CMTM4: variants seen among roughly 807,000 people sequenced by gnomAD.
CMTM4 encodes CKLF like MARVEL transmembrane domain containing 4, also known as CKLF-like MARVEL transmembrane domain-containing protein 4.
Under a neutral mutation model 19.0 loss-of-function variants are expected in CMTM4, and 8 were observed. The ratio of observed to expected loss-of-function variants is 0.42; its 90% CI spans 0.25 to 0.76. The LOEUF (loss-of-function observed/expected upper bound fraction) is 0.76. CMTM4 is among the 30% of genes least tolerant of loss of function. The probability of loss-of-function intolerance (pLI) is 0.27; values close to 1 mark genes in which losing one functional copy is unlikely to be tolerated. For missense variants in CMTM4, 228 were observed against 290.2 expected, an observed-to-expected ratio of 0.79 and a Z score of 1.56; for synonymous variants, 106 against 121.1, an observed-to-expected ratio of 0.88 and a Z score of 0.82.
intron 2 of CMTM4, among the ~76,000 whole-genome samples, chr16:66,634,915 C>G (rs943016218): frequency 1.3e-5 from 2 of 152,192 alleles, no homozygotes; most frequent in Non-Finnish European, 2.9e-5. Flanking sequence ...GACTCAATGC[C>G]TATAGTCTTA....
At position 66,618,877 on chromosome 16, in the gene CMTM4, TG is replaced by T. The variant is rs1490951629; in HGVS notation, c.*3180del. 4 of 985,542 alleles carry T rather than the reference TG, an allele frequency of 4.1e-6. No individual in the cohort carries two copies. The highest frequency in any genetic ancestry group is 4.8e-6 in the Non-Finnish European group (4 of 829,992). 61.0% of individuals were successfully genotyped at this position (985,542 alleles called of 1,614,324 possible). A position where few individuals can be genotyped will look rare whatever the true frequency, so the allele number is the denominator to read the frequency against. On this transcript the variant is annotated 3_prime_UTR_variant, in exon 4 of 4. Coordinates refer to ENST00000394106, the MANE Select transcript of CMTM4 (RefSeq NM_181521.3). ...GGGACAGTAACAGGGCCCGAAGGGC[TG>T]GGGGTGCCGCTGGCTTCCCAGGGCC...
intron 1 of CMTM4, among the ~76,000 whole-genome samples, chr16:66,658,038 T>A (rs568998092): frequency 1.4e-4 from 21 of 152,214 alleles, no homozygotes; most frequent in Middle Eastern, 3.4e-3. Context: ...CTAGGCAACA[T>A]ACTAAGACTC....
chr16:66,647,178 G>T (rs1351278215), intron 1 of CMTM4, among the ~76,000 whole-genome samples: 2 of 151,196 alleles, frequency 1.3e-5, no homozygotes, highest in Admixed American at 1.3e-4. Flanking sequence ...CAAAAAAGTA[G>T]TCGGGTGTGG....
chr16:66,646,709 T>TA (rs2016208833), intron 1 of CMTM4, among the ~76,000 whole-genome samples: 1 of 146,690 alleles, frequency 6.8e-6, no homozygotes, highest in Non-Finnish European at 1.5e-5. Flanking sequence ...ATTCATGAAT[T>TA]TTTTTTTTTT....
At chr16:66,633,232 G>A (rs1226666699) in intron 2 of CMTM4, among the ~76,000 whole-genome samples, 1 of 150,930 alleles carries the variant, frequency 6.6e-6, no homozygotes. Context: ...AATTATGCTT[G>A]TAGAAAATTA....
At chr16:66,601,437 C>T in the CMTM4 span, among the ~76,000 whole-genome samples, 1 of 152,192 alleles carries the variant, frequency 6.6e-6, no homozygotes, top group Non-Finnish European at 1.5e-5. Flanking sequence ...CTGGTCCTCC[C>T]AACCTCTGCT....
chr16:66,659,589 G>C (rs2016465222), intron 1 of CMTM4, among the ~76,000 whole-genome samples: 1 of 152,164 alleles, frequency 6.6e-6, no homozygotes, highest in Non-Finnish European at 1.5e-5. Flanking sequence ...AGGGCATTTT[G>C]GAGATCACTG....
chr16:66,615,249 G>A lies in CMTM4; in HGVS notation c.*6809C>T, dbSNP rs530643287. The A allele has an allele frequency of 6.6e-6, 1 of 152,206 alleles. No individual in the cohort carries two copies. Among genetic ancestry groups the A allele is most frequent in the Admixed American group, 6.5e-5 (1 of 15,284 alleles). The allele number at this position is 152,206 out of a possible 1,614,324, so 9.4% of individuals were successfully genotyped here. On this transcript the variant is annotated 3_prime_UTR_variant, in exon 4 of 4. Coordinates refer to ENST00000394106, the MANE Select transcript of CMTM4 (RefSeq NM_181521.3). The surrounding 1 kb of genome is among the most constrained non-coding windows in gnomAD (Gnocchi z 4.9). ...TACCACGGAGAAATCATATTGGAAA[G>A]TTACTACTTAGCCATCTGACTTGAC...
intron 2 of CMTM4, among the ~76,000 whole-genome samples, chr16:66,631,159 A>G (rs1037312794): frequency 1.3e-5 from 2 of 150,748 alleles, no homozygotes; most frequent in African/African-American, 4.9e-5. Context: ...CCCGTCCGGG[A>G]GGGAGGTGGG....
chr16:66,693,584 T>G (rs991113864), intron 1 of CMTM4, among the ~76,000 whole-genome samples: 1 of 152,188 alleles, frequency 6.6e-6, no homozygotes, highest in Non-Finnish European at 1.5e-5. Context: ...CCAAAACCAT[T>G]TGAAGTTGCC....
chr16:66,650,767 G>A (rs2016294924), intron 1 of CMTM4, among the ~76,000 whole-genome samples: 1 of 152,150 alleles, frequency 6.6e-6, no homozygotes, highest in African/African-American at 2.4e-5. Flanking sequence ...AAACACAAAA[G>A]GCATGTGCTG....
chr16:66,649,272 A>C (rs1028481105), intron 1 of CMTM4, among the ~76,000 whole-genome samples: 1 of 151,592 alleles, frequency 6.6e-6, no homozygotes, highest in African/African-American at 2.4e-5. Flanking sequence ...TTTATGTTTT[A>C]AAAGTCCATT....
At chr16:66,632,936 T>C (rs1241561468) in intron 2 of CMTM4, among the ~76,000 whole-genome samples, 1 of 151,060 alleles carries the variant, frequency 6.6e-6, no homozygotes, top group African/African-American at 2.4e-5. Flanking sequence ...TACAAAAAAA[T>C]TAGCCGGGTG....
In CMTM4 at chr16:66,676,299, C is replaced by A. The variant is rs2144892485; in HGVS notation, c.186+20041G>T. ...ATACGGTCTTTCCTAAACTACTATTCCAAAAAACGCCTAAGGCTCTTCATA... is the reference window on the plus strand; with the variant it reads ...ATACGGTCTTTCCTAAACTACTATTACAAAAAACGCCTAAGGCTCTTCATA... On this transcript the variant is annotated intron_variant, in intron 1 of 3. Coordinates refer to ENST00000394106, the MANE Select transcript of CMTM4 (RefSeq NM_181521.3). Among the ~76,000 whole-genome samples the A allele has an allele frequency of 1.3e-5, 2 of 152,234 alleles. 1 individual carries two copies. The highest frequency in any genetic ancestry group is 4.1e-4 in the South Asian group (2 of 4,820).
chr16:66,654,551 C>T (rs554854539), intron 1 of CMTM4, among the ~76,000 whole-genome samples: 3 of 152,310 alleles, frequency 2.0e-5, no homozygotes, highest in South Asian at 2.1e-4. Flanking sequence ...GGCACCTCTA[C>T]GTAATATCAC....
intron 1 of CMTM4, among the ~76,000 whole-genome samples, chr16:66,658,707 C>T (rs1055729875): frequency 1.3e-5 from 2 of 152,144 alleles, no homozygotes; most frequent in Non-Finnish European, 2.9e-5. Context: ...TCCCTGGCCT[C>T]CACACCACTA....
At chr16:66,639,477 T>A (rs1017073412) in intron 1 of CMTM4, among the ~76,000 whole-genome samples, 27 of 152,290 alleles carry the variant, frequency 1.8e-4, no homozygotes, top group Admixed American at 3.9e-4. Context: ...TGTTTTTTTT[T>A]AAATTACATT....
At chr16:66,665,262 TAAAAA>T (rs71145929) in intron 1 of CMTM4, among the ~76,000 whole-genome samples, 4,015 of 59,774 alleles carry the variant, frequency 0.067, 158 homozygotes, top group South Asian at 0.21. Context: ...CCCTGTTTCT[TAAAAA>T]AAAAAAAAAA....
At chr16:66,691,381 C>T (rs1204454024) in intron 1 of CMTM4, among the ~76,000 whole-genome samples, 1 of 152,080 alleles carries the variant, frequency 6.6e-6, no homozygotes, top group African/African-American at 2.4e-5. Flanking sequence ...TTCTCCCCAA[C>T]TAAGAGATAC....
Sources: gnomAD v4.1 joint callset for allele counts (sites outside exome capture counted in the v4.1 genomes callset) on GRCh38, gnomAD v4.1.1 for gene constraint, Gnocchi (gnomAD v3.1) non-coding constraint, MANE v1.5 for transcripts, NCBI Gene and HGNC (gene_info 2026-07-23, HGNC 2026-07-21) for gene names.